MLLT10: variants seen among roughly 807,000 people sequenced by gnomAD.
MLLT10 encodes protein AF-10.
In MLLT10, 30 loss-of-function variants were observed where a neutral mutation model predicts 129.1. The ratio of observed to expected loss-of-function variants is 0.23; its 90% CI spans 0.17 to 0.32. MLLT10 has a LOEUF of 0.32. MLLT10 is among the 10% of genes least tolerant of loss of function. MLLT10 has a pLI of 1.00. For missense variants in MLLT10, 1,119 were observed against 1,268.3 expected (o/e 0.88, Z 1.79); for synonymous variants, 490 against 446.4 (o/e 1.10, Z -1.23).
chr10:21,738,974 T>C (rs1405187800), intron 21 of MLLT10, among the ~76,000 whole-genome samples: 3 of 152,096 alleles, frequency 2.0e-5, no homozygotes, highest in African/African-American at 7.2e-5. Context: ...ACTCAGTAGC[T>C]CCGCTGGCAT....
chr10:21,578,669 T>A (rs1456595574), intron 3 of MLLT10, among the ~76,000 whole-genome samples: 1 of 152,232 alleles, frequency 6.6e-6, no homozygotes, highest in Non-Finnish European at 1.5e-5. Flanking sequence ...TTAATTCTTT[T>A]GCACATTCCT....
intron 13 of MLLT10, among the ~76,000 whole-genome samples, chr10:21,708,184 G>A (rs2055716187): frequency 1.3e-5 from 2 of 152,196 alleles, no homozygotes; most frequent in Non-Finnish European, 2.9e-5. Context: ...AGGAAGGAAG[G>A]AAGGGAAGAA....
intron 3 of MLLT10, among the ~76,000 whole-genome samples, chr10:21,551,215 G>A (rs1217596272): frequency 1.3e-5 from 2 of 150,702 alleles, no homozygotes; most frequent in African/African-American, 2.4e-5. Context: ...GTGAGCCACC[G>A]TGCCCGGCCA....
chr10:21,661,378 T>A (rs1365792273), intron 9 of MLLT10, among the ~76,000 whole-genome samples: 2 of 152,250 alleles, frequency 1.3e-5, no homozygotes, highest in East Asian at 3.8e-4. Context: ...CTAGTGTATC[T>A]GTTAATTTCT....
At chr10:21,588,311 A>G (rs2042189389) in intron 4 of MLLT10, among the ~76,000 whole-genome samples, 3 of 152,080 alleles carry the variant, frequency 2.0e-5, no homozygotes, top group African/African-American at 7.2e-5. Context: ...AAATGATCCT[A>G]CTGCCTCGGC....
Position 21,555,565 on chromosome 10 carries a change from C to G in MLLT10, c.240+16653C>G, listed in dbSNP as rs139612391. 2.3e-3 allele frequency among the ~76,000 whole-genome samples: 344 copies of G among 152,136 alleles called. 1 individual carries two copies. Among genetic ancestry groups the G allele is most frequent in the African/African-American group, 7.8e-3 (325 of 41,518 alleles). ...TTTTTGTTTTGTTTCAGTTACGAAA[C>G]TTTCTTCTGCTCCTTGAACTCTTCT... On this transcript the variant is annotated intron_variant, in intron 3 of 22. Transcript: ENST00000307729.
intron 2 of MLLT10, among the ~76,000 whole-genome samples, chr10:21,536,908 C>T (rs772981045): frequency 1.5e-4 from 23 of 151,982 alleles, no homozygotes; most frequent in Non-Finnish European, 3.1e-4. Context: ...CTCAGCCTCC[C>T]GAGTAGCTGG....
intron 3 of MLLT10, among the ~76,000 whole-genome samples, chr10:21,550,450 T>TC (rs1390583071): frequency 6.6e-6 from 1 of 152,218 alleles, no homozygotes; most frequent in African/African-American, 2.4e-5. Context: ...TATGTTGCTG[T>TC]CATAGTCAGT....
At chr10:21,616,474 A>G (rs923640918) in intron 7 of MLLT10, among the ~76,000 whole-genome samples, 33 of 152,042 alleles carry the variant, frequency 2.2e-4, no homozygotes, top group Non-Finnish European at 1.0e-4. Context: ...AATAACTCTC[A>G]CCTTCATACT....
intron 13 of MLLT10, among the ~76,000 whole-genome samples, chr10:21,690,562 G>A (rs552514270): frequency 2.0e-5 from 3 of 151,960 alleles, no homozygotes; most frequent in East Asian, 3.9e-4. Flanking sequence ...AATATGCAAC[G>A]GTTATGCATC....
chr10:21,565,387 A>G (rs2131014010), intron 3 of MLLT10, among the ~76,000 whole-genome samples: 1 of 152,232 alleles, frequency 6.6e-6, no homozygotes, highest in East Asian at 1.9e-4. Flanking sequence ...GGTTCACTGC[A>G]ACCTCCGCCT....
At chr10:21,642,784 A>G (rs776736717) in intron 8 of MLLT10, among the ~76,000 whole-genome samples, 13 of 152,200 alleles carry the variant, frequency 8.5e-5, no homozygotes, top group Non-Finnish European at 1.5e-4. Flanking sequence ...GGACTCATCC[A>G]TGTTCACCTC....
chr10:21,624,520 T>A (rs187195838), intron 8 of MLLT10: 16,387 of 906,182 alleles, frequency 0.018, 188 homozygotes, highest in Non-Finnish European at 0.022. Flanking sequence ...TTAAACAAAA[T>A]TTTTTTTGAA....
At chr10:21,680,595 A>G (rs2052635806) in intron 11 of MLLT10, among the ~76,000 whole-genome samples, 1 of 152,196 alleles carries the variant, frequency 6.6e-6, no homozygotes, top group Non-Finnish European at 1.5e-5. Context: ...TTATGGTCAT[A>G]TATCAACTAA....
At chr10:21,576,500 A>G (rs1378381672) in intron 3 of MLLT10, among the ~76,000 whole-genome samples, 1 of 151,862 alleles carries the variant, frequency 6.6e-6, no homozygotes. Context: ...CGGCCTCCCA[A>G]AGTGCTGGGA....
At chr10:21,538,580 T>A (rs2034519234) in intron 2 of MLLT10, among the ~76,000 whole-genome samples, 1 of 152,164 alleles carries the variant, frequency 6.6e-6, no homozygotes, top group Non-Finnish European at 1.5e-5. Flanking sequence ...ATGCTGGGAT[T>A]ACAGGCATGA....
At chr10:21,656,222 C>A (rs2049576046) in intron 9 of MLLT10, among the ~76,000 whole-genome samples, 1 of 152,108 alleles carries the variant, frequency 6.6e-6, no homozygotes, top group African/African-American at 2.4e-5. Flanking sequence ...CTCTTATCTT[C>A]TCTTGATGGA....
chr10:21,646,135 G>A (rs1445647375), intron 8 of MLLT10, among the ~76,000 whole-genome samples: 1 of 152,166 alleles, frequency 6.6e-6, no homozygotes, highest in Non-Finnish European at 1.5e-5. Flanking sequence ...GAACCTGGGA[G>A]GCGGAGGTTG....
intron 9 of MLLT10, among the ~76,000 whole-genome samples, chr10:21,665,986 C>T (rs935485334): frequency 2.6e-5 from 4 of 152,180 alleles, no homozygotes; most frequent in African/African-American, 9.7e-5. Context: ...CAGTGTGAGC[C>T]ACTGCACCTG....
Sources: allele counts gnomAD v4.1 joint callset (sites outside exome capture counted in the v4.1 genomes callset), GRCh38; gene constraint gnomAD v4.1.1; transcripts MANE v1.5; gene names NCBI Gene and HGNC (gene_info 2026-07-23, HGNC 2026-07-21).